UBE2E1: variants seen among roughly 807,000 people sequenced by gnomAD.
UBE2E1 encodes ubiquitin-conjugating enzyme E2 E1.
In UBE2E1, 6 loss-of-function variants were observed where a neutral mutation model predicts 21.4. The ratio of observed to expected loss-of-function variants is 0.28; its 90% CI spans 0.15 to 0.55. The LOEUF (loss-of-function observed/expected upper bound fraction) is 0.55, where lower values mean the gene tolerates loss of function less well. UBE2E1 is among the 20% of genes least tolerant of loss of function. UBE2E1 has a pLI of 0.93. For missense variants in UBE2E1, 142 were observed against 236.5 expected, an observed-to-expected ratio of 0.60 and a Z score of 2.62; for synonymous variants, 87 against 82.7, an observed-to-expected ratio of 1.05 and a Z score of -0.28.
At chr3:23,845,840 A>G (rs913431847) in intron 3 of UBE2E1, among the ~76,000 whole-genome samples, 2 of 152,174 alleles carry the variant, frequency 1.3e-5, no homozygotes, top group Non-Finnish European at 2.9e-5. Context: ...TTTATTACGG[A>G]CACCGATTTC....
intron 3 of UBE2E1, among the ~76,000 whole-genome samples, chr3:23,860,027 G>A (rs1700519181): frequency 6.6e-6 from 1 of 152,168 alleles, no homozygotes; most frequent in South Asian, 2.1e-4. Context: ...CTGTGTGCAG[G>A]TTTTGCACAC....
intron 3 of UBE2E1, among the ~76,000 whole-genome samples, chr3:23,833,818 G>T (rs1008079834): frequency 6.6e-6 from 1 of 152,110 alleles, no homozygotes; most frequent in Non-Finnish European, 1.5e-5. Flanking sequence ...GCAACACAGC[G>T]AGACCCTATC....
In UBE2E1 at chr3:23,870,884, C is replaced by T. The variant is rs994351565; in HGVS notation, c.204-16683C>T. Among the ~76,000 whole-genome samples, 1 of 152,010 alleles carries T rather than the reference C, an allele frequency of 6.6e-6. No individual in the cohort carries two copies. On this transcript the variant is annotated intron_variant, in intron 3 of 5. Transcript: ENST00000306627. The surrounding 1 kb of genome is among the most constrained non-coding windows in gnomAD (Gnocchi z 4.2). ...ATTAGGGAGTGGTGATGATTCTTAACGAGCATGCTGCCTTCAAGCATCTGT... is the reference window on the plus strand; with the variant it reads ...ATTAGGGAGTGGTGATGATTCTTAATGAGCATGCTGCCTTCAAGCATCTGT...
Position 23,869,419 on chromosome 3 carries a change from C to CTGTGTGTGTGTGTGTGTGTGTG in UBE2E1, c.204-18144_204-18123dup, listed in dbSNP as rs4024641. On this transcript the variant is annotated intron_variant, in intron 3 of 5. Transcript: ENST00000306627. The stretch of plus-strand genomic sequence containing the variant: ...TGTAGTCAGATCTGTTGGTCTTTTC[C>CTGTGTGTGTGTGTGTGTGTGTG]TGTGTGTGTGTGTGTGTGTGTGTGT... Among the ~76,000 whole-genome samples the CTGTGTGTGTGTGTGTGTGTGTG allele has an allele frequency of 1.1e-3, 151 of 132,544 alleles. 1 individual carries two copies. The highest frequency in any genetic ancestry group is 4.3e-3 in the African/African-American group (144 of 33,708). The allele number at this position is 132,544 out of a possible 152,430, so 87.0% of individuals were successfully genotyped here. A position where few individuals can be genotyped will look rare whatever the true frequency, so the allele number is the denominator to read the frequency against.
intron 3 of UBE2E1, among the ~76,000 whole-genome samples, chr3:23,859,093 T>A (rs1237002383): frequency 6.6e-6 from 1 of 152,208 alleles, no homozygotes; most frequent in Non-Finnish European, 1.5e-5. Flanking sequence ...TGGAACTGAT[T>A]GCTAGTCTAA....
At chr3:23,860,472 A>G (rs1404335491) in intron 3 of UBE2E1, among the ~76,000 whole-genome samples, 1 of 152,178 alleles carries the variant, frequency 6.6e-6, no homozygotes, top group Non-Finnish European at 1.5e-5. Context: ...AAATTCTGAG[A>G]GAGGTACAAT....
chr3:23,886,761 C>T (rs1701195253), intron 3 of UBE2E1, among the ~76,000 whole-genome samples: 1 of 152,172 alleles, frequency 6.6e-6, no homozygotes, highest in Admixed American at 6.5e-5. Flanking sequence ...TAACCCTCTG[C>T]CTAGTACATG....
At chr3:23,841,322 A>G (rs145464888) in intron 3 of UBE2E1, among the ~76,000 whole-genome samples, 219 of 152,108 alleles carry the variant, frequency 1.4e-3, no homozygotes, top group African/African-American at 5.1e-3. Context: ...TTCTGGCCAT[A>G]TCAGCTGAAC....
At position 23,850,837 on chromosome 3, in the gene UBE2E1, C is replaced by CTTT. The variant is rs71057628; in HGVS notation, c.204-36709_204-36707dup. On this transcript the variant is annotated intron_variant, in intron 3 of 5. Transcript: ENST00000306627. ...TACAGATGTGCGCCACCACACCCAG[C>CTTT]TTTTTTTTTTTTTTTTTTTTTTTAA... Among the ~76,000 whole-genome samples the CTTT allele has an allele frequency of 5.5e-3, 700 of 128,328 alleles. 8 individuals carry two copies. The highest frequency in any genetic ancestry group is 7.9e-3 in the Non-Finnish European group (485 of 61,764). The allele number at this position is 128,328 out of a possible 152,430, so 84.2% of individuals were successfully genotyped here.
At chr3:23,839,321 G>A (rs774282598) in intron 3 of UBE2E1, among the ~76,000 whole-genome samples, 6 of 151,928 alleles carry the variant, frequency 3.9e-5, no homozygotes, top group East Asian at 1.9e-4. Flanking sequence ...AAAATTAGCC[G>A]GGCATGGTGA....
At position 23,869,249 on chromosome 3, in the gene UBE2E1, G is replaced by A. The variant is rs139899717; in HGVS notation, c.204-18318G>A. 4.3e-3 allele frequency among the ~76,000 whole-genome samples: 655 copies of A among 150,698 alleles called. 2 individuals carry two copies. The highest frequency in any genetic ancestry group is 0.015 in the African/African-American group (612 of 40,868). On this transcript the variant is annotated intron_variant, in intron 3 of 5. Coordinates refer to ENST00000306627, the MANE Select transcript of UBE2E1 (RefSeq NM_003341.5). The stretch of plus-strand genomic sequence containing the variant: ...TATTTTCCACTTTTGAGAACTGCCT[G>A]TGTACTTTATCCATTATTATTATTT...
At chr3:23,890,466 T>C (rs893746678) in intron 5 of UBE2E1, 43 bp from the exon 6 acceptor site, 1 of 1,588,482 alleles carries the variant, frequency 6.3e-7, no homozygotes, top group Admixed American at 1.8e-5. Context: ...GTTTAAAATG[T>C]TCTTTTCCTT....
chr3:23,849,959 A>G (rs1330107616), intron 3 of UBE2E1, among the ~76,000 whole-genome samples: 1 of 152,068 alleles, frequency 6.6e-6, no homozygotes, highest in African/African-American at 2.4e-5. Flanking sequence ...TGTGTCTTTG[A>G]TTTTCATTTT....
At position 23,810,348 on chromosome 3, in the gene UBE2E1, G is replaced by C. The variant is rs1699357611; in HGVS notation, c.153-1112G>C. 3.1e-6 allele frequency: 4 copies of C among 1,287,594 alleles called. No individual in the cohort carries two copies. In the Admixed American group the frequency reaches 8.0e-5, roughly 26 times the overall value. The allele number at this position is 1,287,594 out of a possible 1,614,324, so 79.8% of individuals were successfully genotyped here. On this transcript the variant is annotated intron_variant, in intron 2 of 5. Coordinates refer to ENST00000306627, the MANE Select transcript of UBE2E1 (RefSeq NM_003341.5). This position sits in a 1 kb window ranked among gnomAD's most constrained non-coding sequence, Gnocchi z 5.8. ...AAGCAAAAGACAAAGGCCAGGGCTTGGTGTGAACTGCCTGGTGGCTTCGGC... is the reference window on the plus strand; with the variant it reads ...AAGCAAAAGACAAAGGCCAGGGCTTCGTGTGAACTGCCTGGTGGCTTCGGC...
chr3:23,806,136 G>T lies in UBE2E1; in HGVS notation c.-34+48G>T, dbSNP rs1347093642. 6.8e-6 allele frequency: 1 copy of T among 147,678 alleles called. No individual in the cohort carries two copies. The highest frequency in any genetic ancestry group is 2.0e-4 in the East Asian group (1 of 4,964). The allele number at this position is 147,678 out of a possible 1,614,324, so 9.1% of individuals were successfully genotyped here. A position where few individuals can be genotyped will look rare whatever the true frequency, so the allele number is the denominator to read the frequency against. On this transcript the variant is annotated intron_variant, in intron 1 of 5. Transcript: ENST00000306627. The surrounding 1 kb of genome is among the most constrained non-coding windows in gnomAD (Gnocchi z 6.5). ...CCGCCGCCCCCCGGCCGCGCCGCCG[G>T]GCCTCGGGGACACCCCTCGCCGCCT...
At chr3:23,860,845 C>T (rs7615255) in intron 3 of UBE2E1, among the ~76,000 whole-genome samples, 117,332 of 152,190 alleles carry the variant, frequency 0.77, 45,740 homozygotes, top group African/African-American at 0.85. Context: ...AATGAATTCA[C>T]TAGGGATGTA....
Position 23,887,840 on chromosome 3 carries a change from A to G in UBE2E1, c.336+141A>G. 1 of 1,178,996 alleles carries G rather than the reference A, an allele frequency of 8.5e-7. No individual in the cohort carries two copies. The highest frequency in any genetic ancestry group is 2.6e-5 in the East Asian group (1 of 38,540). 73.0% of individuals were successfully genotyped at this position (1,178,996 alleles called of 1,614,324 possible). A position where few individuals can be genotyped will look rare whatever the true frequency, so the allele number is the denominator to read the frequency against. On this transcript the variant is annotated intron_variant, in intron 4 of 5. Coordinates refer to ENST00000306627, the MANE Select transcript of UBE2E1 (RefSeq NM_003341.5). The surrounding 1 kb of genome is among the most constrained non-coding windows in gnomAD (Gnocchi z 4.4). ...GATCTGAGTATTTTAACATATACAA[A>G]ACACTTCTTTAGGTTGATTTTGCCT...
intron 3 of UBE2E1, among the ~76,000 whole-genome samples, chr3:23,814,422 T>C (rs2125281743): frequency 6.6e-6 from 1 of 152,332 alleles, no homozygotes; most frequent in South Asian, 2.1e-4. Context: ...TTTAAGTAAG[T>C]ATTTTCAAAC....
At chr3:23,811,416 C>A (rs75932263) in intron 2 of UBE2E1, 44 bp from the exon 3 acceptor site, 11 of 1,610,058 alleles carry the variant, frequency 6.8e-6, no homozygotes, top group Non-Finnish European at 4.3e-6. Flanking sequence ...GCTTCCGCGC[C>A]TTAATGCTTC....
Sources: allele counts gnomAD v4.1 joint callset (sites outside exome capture counted in the v4.1 genomes callset), GRCh38; gene constraint gnomAD v4.1.1; non-coding constraint Gnocchi (gnomAD v3.1); transcripts MANE v1.5; gene names NCBI Gene and HGNC (gene_info 2026-07-23, HGNC 2026-07-21).